Variants in LRRC63 observed in about 807,000 individuals in gnomAD.
LRRC63 encodes leucine-rich repeat-containing protein 63.
Under a neutral mutation model 49.5 loss-of-function variants are expected in LRRC63, and 40 were observed. That is an observed-to-expected ratio of 0.81 (90% CI 0.63 to 1.05). LRRC63 has a LOEUF of 1.05. Among genes scored for constraint, LRRC63 ranks in the 50% least tolerant of loss-of-function variants. The pLI is 0.00. For synonymous variants in LRRC63, 191 were observed against 221.1 expected (o/e 0.86, Z 1.21); for missense variants, 636 against 663.1 (o/e 0.96, Z 0.45).
At chr13:46,261,056 A>C (rs1268176840) in intron 7 of LRRC63, among the ~76,000 whole-genome samples, 1 of 152,214 alleles carries the variant, frequency 6.6e-6, no homozygotes, top group Non-Finnish European at 1.5e-5. Flanking sequence ...TCCAGTCTTC[A>C]AGAAGCAATT....
At chr13:46,243,942 T>G (rs1317943043) in intron 5 of LRRC63, among the ~76,000 whole-genome samples, 1 of 152,174 alleles carries the variant, frequency 6.6e-6, no homozygotes, top group African/African-American at 2.4e-5. Context: ...AAAGAAAAGC[T>G]GAATTCATTT....
At chr13:46,276,780 G>A (rs1665828562) in exon 10 of LRRC63, 1 of 1,199,158 alleles carries the variant, frequency 8.3e-7, no homozygotes, top group East Asian at 3.3e-5. Context: ...AGCTCTAGAT[G>A]TGGAGTTGTC....
At chr13:46,229,399 C>T (rs975125077) in intron 4 of LRRC63, among the ~76,000 whole-genome samples, 4 of 152,144 alleles carry the variant, frequency 2.6e-5, no homozygotes, top group Non-Finnish European at 5.9e-5. Flanking sequence ...TTGAGTAGAA[C>T]TGGACAGTAA....
chr13:46,213,621 G>T (rs1055641955), intron 2 of LRRC63, among the ~76,000 whole-genome samples: 1 of 152,202 alleles, frequency 6.6e-6, no homozygotes, highest in South Asian at 2.1e-4. Flanking sequence ...GCTGTGATGG[G>T]CCTTACAGAG....
exon 3 of LRRC63, chr13:46,228,002 C>T: frequency 6.4e-7 from 1 of 1,551,074 alleles, no homozygotes; most frequent in Non-Finnish European, 8.7e-7. Flanking sequence ...ATCAGCACAT[C>T]TCGAGAGACT....
At chr13:46,266,782 C>T in exon 9 of LRRC63, 1 of 1,549,618 alleles carries the variant, frequency 6.5e-7, no homozygotes, top group Non-Finnish European at 8.7e-7. Context: ...TTTTTTCCCC[C>T]ATGGAATTTT....
chr13:46,257,488 T>A (rs1185930133), intron 7 of LRRC63, among the ~76,000 whole-genome samples: 1 of 151,002 alleles, frequency 6.6e-6, no homozygotes, highest in Non-Finnish European at 1.5e-5. Context: ...TCTTGTGGGA[T>A]CACATTCCCC....
chr13:46,245,371 A>G (rs1197117572), intron 5 of LRRC63, among the ~76,000 whole-genome samples: 2 of 152,230 alleles, frequency 1.3e-5, no homozygotes, highest in Non-Finnish European at 2.9e-5. Flanking sequence ...ATTAACATTT[A>G]TAGAATGATA....
intron 5 of LRRC63, among the ~76,000 whole-genome samples, chr13:46,244,242 A>G (rs1394165259): frequency 6.6e-6 from 1 of 152,128 alleles, no homozygotes; most frequent in African/African-American, 2.4e-5. Flanking sequence ...AAATGTATAT[A>G]TCTATTGTAA....
chr13:46,265,971 G>C (rs1309606971), intron 8 of LRRC63, among the ~76,000 whole-genome samples: 1 of 151,488 alleles, frequency 6.6e-6, no homozygotes, highest in Non-Finnish European at 1.5e-5. Context: ...GTGTAGATAT[G>C]AGTTATGAAA....
chr13:46,269,070 A>G (rs1169369183), intron 9 of LRRC63, among the ~76,000 whole-genome samples: 1 of 152,138 alleles, frequency 6.6e-6, no homozygotes, highest in East Asian at 1.9e-4. Flanking sequence ...ACTCAGTACT[A>G]AAAACACGTT....
At chr13:46,217,090 C>T (rs1262646882) in intron 2 of LRRC63, among the ~76,000 whole-genome samples, 1 of 152,092 alleles carries the variant, frequency 6.6e-6, no homozygotes, top group Non-Finnish European at 1.5e-5. Context: ...TGTGTCTCTG[C>T]CAGGTTTTGG....
Position 46,234,229 on chromosome 13 carries a change from C to A in LRRC63, c.870C>A (p.His290Gln), listed in dbSNP as rs558057454. 3.9e-6 allele frequency: 6 copies of A among 1,550,036 alleles called. No homozygotes were observed. In the Admixed American group the frequency reaches 5.9e-5, roughly 15 times the overall value. The change falls in exon 5 of 10, where the codon CAC (histidine) becomes CAA (glutamine). Residue 290 changes from histidine (H) to glutamine (Q), a missense_variant. Coordinates refer to ENST00000595396, the Ensembl canonical transcript of LRRC63. ...CTGAAAAAATAGAATCAGAGATACA[C>A]GTTGTACGTGGTGAAGGTTTTAAGA... is the stretch of plus-strand genomic sequence containing the variant.
At chr13:46,222,225 T>C (rs147746736) in intron 2 of LRRC63, among the ~76,000 whole-genome samples, 2,162 of 152,274 alleles carry the variant, frequency 0.014, 65 homozygotes, top group African/African-American at 0.048. Flanking sequence ...TTTTTTTTCC[T>C]GTTGAGTTGT....
chr13:46,220,897 T>A (rs924034441), intron 2 of LRRC63, among the ~76,000 whole-genome samples: 6 of 152,112 alleles, frequency 3.9e-5, no homozygotes, highest in Non-Finnish European at 8.8e-5. Flanking sequence ...CCAGGTGAGG[T>A]GACGCCGCAC....
At chr13:46,219,006 C>T (rs987700178) in intron 2 of LRRC63, among the ~76,000 whole-genome samples, 6 of 152,126 alleles carry the variant, frequency 3.9e-5, no homozygotes, top group African/African-American at 1.2e-4. Context: ...TGAGGGTAAC[C>T]CGACCTTTCT....
intron 7 of LRRC63, among the ~76,000 whole-genome samples, chr13:46,252,762 A>G (rs571266717): frequency 6.6e-6 from 1 of 152,056 alleles, no homozygotes; most frequent in Non-Finnish European, 1.5e-5. Flanking sequence ...GAAAAGTTAC[A>G]ACGTATATGA....
At chr13:46,228,617 A>T in intron 3 of LRRC63, 48 bp from the exon 4 acceptor site, 1 of 1,153,802 alleles carries the variant, frequency 8.7e-7, no homozygotes, top group Non-Finnish European at 1.3e-6. Flanking sequence ...CCTCAAGTGA[A>T]TTTTTACAAA....
intron 2 of LRRC63, among the ~76,000 whole-genome samples, chr13:46,220,250 T>C (rs960325014): frequency 1.3e-5 from 2 of 152,036 alleles, no homozygotes; most frequent in Non-Finnish European, 2.9e-5. Context: ...AGAAAGGAGT[T>C]TTCTCTATAA....
Sources: gnomAD v4.1 joint callset for allele counts (sites outside exome capture counted in the v4.1 genomes callset) on GRCh38, gnomAD v4.1.1 for gene constraint, MANE v1.5 for transcripts, NCBI Gene and HGNC (gene_info 2026-07-23, HGNC 2026-07-21) for gene names.